GNAI3: variants seen among roughly 807,000 people sequenced by gnomAD.
The protein encoded by GNAI3 is G protein subunit alpha i3, also known as guanine nucleotide-binding protein G(i) subunit alpha-3.
A neutral mutation model predicts 41.8 loss-of-function variants in GNAI3; 12 were observed. The observed-to-expected ratio is 0.29, with a 90% CI of 0.18 to 0.47. The LOEUF is 0.47. GNAI3 is among the 20% of genes least tolerant of loss of function. GNAI3 has a pLI of 1.00. For synonymous variants in GNAI3, 132 were observed against 146.5 expected (o/e 0.90, Z 0.71); for missense variants, 360 against 429.6 (o/e 0.84, Z 1.43).
intron 1 of GNAI3, among the ~76,000 whole-genome samples, chr1:109,551,123 G>C (rs2101086603): frequency 6.6e-6 from 1 of 152,314 alleles, no homozygotes; most frequent in South Asian, 2.1e-4. Context: ...AAAGCAGTAA[G>C]TAAAAATCAA....
chr1:109,577,015 G>GT (rs5776987), intron 3 of GNAI3, among the ~76,000 whole-genome samples: 57 of 144,146 alleles, frequency 4.0e-4, no homozygotes, highest in Non-Finnish European at 3.0e-4. Context: ...GTTTTTTTCT[G>GT]TTTTTTTTTT....
chr1:109,584,526 C>T (rs530491485), intron 5 of GNAI3, among the ~76,000 whole-genome samples: 2 of 152,268 alleles, frequency 1.3e-5, no homozygotes, highest in South Asian at 2.1e-4. Context: ...TGATCAATAG[C>T]CAGATCTAAT....
In GNAI3 at chr1:109,574,485, A is replaced by G. The variant is rs550108045; in HGVS notation, c.303+448A>G. Among the ~76,000 whole-genome samples the G allele has an allele frequency of 1.2e-4, 19 of 152,300 alleles. No homozygotes were observed. The South Asian group carries it at 3.9e-3, about 32-fold the overall frequency. On this transcript the variant is annotated intron_variant, in intron 3 of 8. Coordinates refer to ENST00000369851, the MANE Select transcript of GNAI3 (RefSeq NM_006496.4). Reference sequence around the variant, plus strand: ...CTAAGTCCAAATTCTTGAATATCTAAGTCAGATATTCAAGAATACTGTATA... The same window carrying G: ...CTAAGTCCAAATTCTTGAATATCTAGGTCAGATATTCAAGAATACTGTATA...
At chr1:109,574,630 T>G (rs899430674) in intron 3 of GNAI3, among the ~76,000 whole-genome samples, 6 of 152,188 alleles carry the variant, frequency 3.9e-5, no homozygotes, top group African/African-American at 1.4e-4. Context: ...TAGTGGACCC[T>G]GAAGATCTAG....
intron 1 of GNAI3, among the ~76,000 whole-genome samples, chr1:109,568,789 T>C (rs1427255464): frequency 6.6e-6 from 1 of 152,096 alleles, no homozygotes; most frequent in Non-Finnish European, 1.5e-5. Context: ...GCTCAAGAGA[T>C]TTTCCCAAGT....
Position 109,595,246 on chromosome 1 carries a change from C to T in GNAI3, c.*2924C>T, listed in dbSNP as rs1171635278. ...AAGAAGTATTCTTAATGGACAGTCC[C>T]CCCTAACCTTATAAATTCAGCTTTG... On this transcript the variant is annotated 3_prime_UTR_variant, in exon 9 of 9. Transcript: ENST00000369851. 1.3e-5 allele frequency: 2 copies of T among 152,116 alleles called. No individual in the cohort carries two copies. The highest frequency in any genetic ancestry group is 6.5e-5 in the Admixed American group (1 of 15,272). 9.4% of individuals were successfully genotyped at this position (152,116 alleles called of 1,614,324 possible).
In GNAI3 at chr1:109,598,931, T is replaced by G. The variant is rs1649380979; in HGVS notation, c.*6609T>G. On this transcript the variant is annotated 3_prime_UTR_variant, in exon 9 of 9. Transcript: ENST00000369851. ...AGAGAGGGCAGTGGGAGGTAAGAGC[T>G]CTTCACCCTTCACCACCTTCTCCAC... 1 of 534,778 alleles carries G rather than the reference T, an allele frequency of 1.9e-6. No individual in the cohort carries two copies. The highest frequency in any genetic ancestry group is 5.4e-5 in the East Asian group (1 of 18,372). The allele number at this position is 534,778 out of a possible 1,614,324, so 33.1% of individuals were successfully genotyped here.
chr1:109,565,624 C>T (rs1177750278), intron 1 of GNAI3, among the ~76,000 whole-genome samples: 1 of 152,168 alleles, frequency 6.6e-6, no homozygotes, highest in Non-Finnish European at 1.5e-5. Context: ...TCAAGCCATT[C>T]ATTTCACAGA....
At chr1:109,569,337 T>C (rs1648534215) in intron 1 of GNAI3, among the ~76,000 whole-genome samples, 1 of 152,234 alleles carries the variant, frequency 6.6e-6, no homozygotes, top group African/African-American at 2.4e-5. Flanking sequence ...CCTTTGCATC[T>C]TCCCATTCTT....
chr1:109,591,412 C>T (rs755912367), intron 7 of GNAI3: 2 of 586,562 alleles, frequency 3.4e-6, no homozygotes, highest in African/African-American at 1.9e-5. Flanking sequence ...GGAAAAAGGA[C>T]ATCTAAAAGC....
intron 7 of GNAI3, among the ~76,000 whole-genome samples, chr1:109,591,155 T>G (rs943425493): frequency 1.4e-4 from 22 of 152,194 alleles, no homozygotes; most frequent in Admixed American, 1.0e-3. Flanking sequence ...AATAATAGCT[T>G]CATTGAGATA....
intron 1 of GNAI3, 97 bp downstream of exon 1, chr1:109,548,935 A>G (rs752265818): frequency 6.4e-5 from 51 of 798,040 alleles, no homozygotes; most frequent in Non-Finnish European, 1.0e-4. Context: ...AAAGGACCCT[A>G]AAGGGATCTG....
intron 1 of GNAI3, among the ~76,000 whole-genome samples, chr1:109,565,470 G>A (rs970773105): frequency 4.6e-5 from 7 of 152,156 alleles, no homozygotes; most frequent in Admixed American, 6.5e-5. Flanking sequence ...GAGTTGAAGG[G>A]CCAAGAGTGG....
rs1649237790 is a variant in GNAI3, at chr1:109,594,138, C to T, written c.*1816C>T. 6.6e-6 allele frequency: 1 copy of T among 152,464 alleles called. No individual in the cohort carries two copies. Among genetic ancestry groups the T allele is most frequent in the Admixed American group, 6.5e-5 (1 of 15,278 alleles). 9.4% of individuals were successfully genotyped at this position (152,464 alleles called of 1,614,324 possible). A position where few individuals can be genotyped will look rare whatever the true frequency, so the allele number is the denominator to read the frequency against. ...TGATCTGAAAGAAAATTATCAGCTT[C>T]AATTGGCGATTGATTCAGTGCCCAC... On this transcript the variant is annotated 3_prime_UTR_variant, in exon 9 of 9. Transcript: ENST00000369851.
intron 3 of GNAI3, 26 bp from the exon 4 acceptor site, chr1:109,579,178 G>GTC: frequency 1.3e-6 from 2 of 1,585,800 alleles, no homozygotes; most frequent in Non-Finnish European, 1.7e-6. Context: ...AGAGTCATCT[G>GTC]TCTCTTTCTT....
At chr1:109,551,695 G>C (rs1363231984) in intron 1 of GNAI3, among the ~76,000 whole-genome samples, 2 of 152,194 alleles carry the variant, frequency 1.3e-5, no homozygotes, top group African/African-American at 4.8e-5. Context: ...TTGGCACATA[G>C]TACTAGCTCC....
chr1:109,576,402 G>A (rs948969242), intron 3 of GNAI3, among the ~76,000 whole-genome samples: 12 of 151,874 alleles, frequency 7.9e-5, no homozygotes, highest in Middle Eastern at 3.5e-3. Flanking sequence ...GTTAGAGAGT[G>A]TGAATGGAAA....
intron 7 of GNAI3, among the ~76,000 whole-genome samples, chr1:109,588,073 G>T (rs1422628416): frequency 6.6e-6 from 1 of 152,074 alleles, no homozygotes; most frequent in African/African-American, 2.4e-5. Context: ...CACAGTTTCT[G>T]TATCTCTGGT....
intron 4 of GNAI3, among the ~76,000 whole-genome samples, chr1:109,581,994 A>C (rs935390099): frequency 5.9e-4 from 89 of 151,822 alleles, no homozygotes; most frequent in African/African-American, 2.1e-3. Context: ...TTTTCTTATT[A>C]TTTCTTTCTT....
Sources: gnomAD v4.1 joint callset for allele counts (sites outside exome capture counted in the v4.1 genomes callset) on GRCh38, gnomAD v4.1.1 for gene constraint, MANE v1.5 for transcripts, NCBI Gene and HGNC (gene_info 2026-07-23, HGNC 2026-07-21) for gene names.